ABHD18: variants seen among roughly 807,000 people sequenced by gnomAD.
ABHD18 encodes the protein cardiolipin-specific deacylase, mitochondrial.
In ABHD18, 55 loss-of-function variants were observed where a neutral mutation model predicts 65.9. That is an observed-to-expected ratio of 0.84 (90% CI 0.67 to 1.05). ABHD18 has a LOEUF of 1.05. Ranked by LOEUF, ABHD18 falls within the 50% of genes least tolerant of loss-of-function variation. The pLI, the probability that ABHD18 is intolerant of heterozygous loss-of-function variation, is 0.00. For synonymous variants in ABHD18, 181 were observed against 180.2 expected (o/e 1.00, Z -0.04); for missense variants, 533 against 558.5 (o/e 0.95, Z 0.46).
chr4:127,975,795 ATAAT>A (rs1747800978), intron 1 of ABHD18, among the ~76,000 whole-genome samples: 1 of 151,912 alleles, frequency 6.6e-6, no homozygotes, highest in African/African-American at 2.4e-5. Flanking sequence ...TAGGGTTGGG[ATAAT>A]TTACTTATTT....
At chr4:128,032,160 TA>T (rs1349398413) in intron 12 of ABHD18, among the ~76,000 whole-genome samples, 1 of 152,180 alleles carries the variant, frequency 6.6e-6, no homozygotes, top group Non-Finnish European at 1.5e-5. Context: ...TTGAGAGAGA[TA>T]AATGTTAACT....
At chr4:127,971,222 T>G (rs1393921866) in intron 1 of ABHD18, among the ~76,000 whole-genome samples, 1 of 137,874 alleles carries the variant, frequency 7.3e-6, no homozygotes, top group Non-Finnish European at 1.5e-5. Context: ...CCACTCGCAC[T>G]CAAGCCTGGG....
intron 6 of ABHD18, among the ~76,000 whole-genome samples, chr4:128,010,211 T>C (rs1560891902): frequency 6.6e-6 from 1 of 152,178 alleles, no homozygotes; most frequent in Non-Finnish European, 1.5e-5. Flanking sequence ...TTTACAATAA[T>C]GTATGACCAG....
At chr4:128,009,345 A>G in intron 6 of ABHD18, 154 bp downstream of exon 6, 1 of 453,344 alleles carries the variant, frequency 2.2e-6, no homozygotes, top group East Asian at 3.6e-5. Context: ...AAAAGGAGTG[A>G]AAGACTATTT....
intron 8 of ABHD18, among the ~76,000 whole-genome samples, chr4:128,018,843 G>A (rs1019309020): frequency 7.3e-5 from 11 of 151,686 alleles, no homozygotes; most frequent in East Asian, 1.9e-4. Context: ...GTGAAACCCC[G>A]TCTCTACTAA....
chr4:128,009,076 C>A lies in ABHD18; in HGVS notation c.358-31C>A, dbSNP rs373107703. On this transcript the variant is annotated intron_variant, in intron 5 of 12. Coordinates refer to ENST00000645843, the MANE Select transcript of ABHD18 (RefSeq NM_001358451.3). ...CCTTAACAGAAGTGGCTACTATATT[C>A]TTTTGAGTATGTGTTCTTTTCTTTC... The A allele has an allele frequency of 2.5e-6, 4 of 1,585,790 alleles. No individual in the cohort carries two copies. In the East Asian group the frequency reaches 9.0e-5, roughly 36 times the overall value.
intron 11 of ABHD18, among the ~76,000 whole-genome samples, chr4:128,029,329 C>T (rs1301221139): frequency 6.6e-6 from 1 of 151,688 alleles, no homozygotes; most frequent in African/African-American, 2.4e-5. Flanking sequence ...CACTGCACTC[C>T]ATCCTGGGTG....
chr4:127,996,728 C>T (rs1269591451), intron 4 of ABHD18, among the ~76,000 whole-genome samples: 1 of 152,140 alleles, frequency 6.6e-6, no homozygotes, highest in African/African-American at 2.4e-5. Context: ...GACAGACACT[C>T]CCAGAGCAGC....
At chr4:128,017,263 T>A in intron 7 of ABHD18, 100 bp from the exon 8 acceptor site, 1 of 1,135,312 alleles carries the variant, frequency 8.8e-7, no homozygotes, top group Non-Finnish European at 1.3e-6. Context: ...TCTGGTCCTT[T>A]AGAAGAGATG....
At chr4:128,008,800 A>T in intron 4 of ABHD18, 120 bp from the exon 5 acceptor site, 2 of 657,204 alleles carry the variant, frequency 3.0e-6, no homozygotes, top group Non-Finnish European at 2.5e-6. Context: ...TTTGAATGTT[A>T]AAATTTCGAC....
intron 4 of ABHD18, among the ~76,000 whole-genome samples, chr4:127,997,915 A>T (rs1331719858): frequency 6.7e-6 from 1 of 148,574 alleles, no homozygotes; most frequent in Non-Finnish European, 1.5e-5. Context: ...TTTTTGACAG[A>T]TTCTTGCTCT....
chr4:128,000,484 T>C (rs1752484954), intron 4 of ABHD18, among the ~76,000 whole-genome samples: 1 of 152,178 alleles, frequency 6.6e-6, no homozygotes, highest in Admixed American at 6.5e-5. Flanking sequence ...TTGGTCTATG[T>C]GTCTGTTTTT....
intron 4 of ABHD18, among the ~76,000 whole-genome samples, chr4:127,993,528 G>T (rs971220146): frequency 6.6e-6 from 1 of 151,618 alleles, no homozygotes; most frequent in Non-Finnish European, 1.5e-5. Flanking sequence ...CGTCATTCTT[G>T]TGCAGCAATT....
At chr4:128,000,544 A>T (rs1027605807) in intron 4 of ABHD18, among the ~76,000 whole-genome samples, 46 of 152,222 alleles carry the variant, frequency 3.0e-4, no homozygotes, top group Admixed American at 1.9e-3. Flanking sequence ...GCCTTGTGGT[A>T]TATTTTGAAG....
intron 3 of ABHD18, 90 bp from the exon 4 acceptor site, chr4:127,989,631 T>C: frequency 1.3e-6 from 1 of 774,888 alleles, no homozygotes; most frequent in Non-Finnish European, 2.0e-6. Flanking sequence ...ATGATTTTAA[T>C]TGGATAGAAC....
chr4:127,983,725 C>A (rs1749457432), intron 2 of ABHD18, among the ~76,000 whole-genome samples: 1 of 152,104 alleles, frequency 6.6e-6, no homozygotes, highest in Non-Finnish European at 1.5e-5. Context: ...ATTAAGCGGG[C>A]ATGGTGACGG....
chr4:128,004,911 AAAAAC>A (rs537214939), intron 4 of ABHD18, among the ~76,000 whole-genome samples: 1 of 150,788 alleles, frequency 6.6e-6, no homozygotes, highest in Non-Finnish European at 1.5e-5. Context: ...CTCCGTCTCA[AAAAAC>A]AAAACAAAAC....
At chr4:127,991,961 A>G (rs557994296) in intron 4 of ABHD18, among the ~76,000 whole-genome samples, 1 of 152,282 alleles carries the variant, frequency 6.6e-6, no homozygotes, top group Non-Finnish European at 1.5e-5. Context: ...CCCCTAAGGC[A>G]TTATTTTAAA....
At chr4:127,980,214 T>C (rs1489554757) in intron 1 of ABHD18, among the ~76,000 whole-genome samples, 2 of 152,180 alleles carry the variant, frequency 1.3e-5, no homozygotes, top group Admixed American at 1.3e-4. Flanking sequence ...GAATTAGTTA[T>C]CTGGAGAGTG....
Sources: allele counts gnomAD v4.1 joint callset (sites outside exome capture counted in the v4.1 genomes callset), GRCh38; gene constraint gnomAD v4.1.1; transcripts MANE v1.5; gene names NCBI Gene and HGNC (gene_info 2026-07-23, HGNC 2026-07-21).